PPIL4: variants seen among roughly 807,000 people sequenced by gnomAD.
PPIL4 encodes the protein peptidylprolyl isomerase like 4, also known as peptidyl-prolyl cis-trans isomerase-like 4.
PPIL4 carries 50 observed loss-of-function variants against 69.1 expected under a neutral mutation model. The ratio of observed to expected loss-of-function variants is 0.72; its 90% confidence interval spans 0.58 to 0.92. The LOEUF is 0.92. PPIL4 is among the 40% of genes least tolerant of loss of function. PPIL4 has a pLI of 0.00. For missense variants in PPIL4, 480 were observed against 587.9 expected (o/e 0.82, Z 1.90); for synonymous variants, 193 against 191.6 (o/e 1.01, Z -0.06).
intron 5 of PPIL4, among the ~76,000 whole-genome samples, chr6:149,535,043 A>C (rs1777253912): frequency 1.3e-5 from 2 of 152,192 alleles, no homozygotes; most frequent in South Asian, 4.1e-4. Flanking sequence ...TTCTCAATTA[A>C]AAAACTAAAT....
intron 4 of PPIL4, 118 bp downstream of exon 4, chr6:149,540,824 A>G (rs1777347875): frequency 1.9e-6 from 1 of 520,504 alleles, no homozygotes; most frequent in African/African-American, 1.9e-5. Flanking sequence ...TTTTCCCCTA[A>G]CACATATTTC....
intron 1 of PPIL4, among the ~76,000 whole-genome samples, chr6:149,542,999 TA>T (rs1004476408): frequency 3.9e-5 from 6 of 152,318 alleles, no homozygotes; most frequent in Admixed American, 2.0e-4. Flanking sequence ...GTTTAACAGA[TA>T]GGGGTGGTCC....
rs1776754288 is a variant in PPIL4, at chr6:149,505,437, T to C, written c.*16A>G. 6.2e-7 allele frequency: 1 copy of C among 1,604,920 alleles called. No individual in the cohort carries two copies. Among genetic ancestry groups the C allele is most frequent in the African/African-American group, 1.3e-5 (1 of 74,226 alleles). On this transcript the variant is annotated 3_prime_UTR_variant, in exon 13 of 13. Transcript: ENST00000253329. ...AGAGTAAATATGTTAGCCTCTCAAT[T>C]CTGCCTCTTCATCTTTCATCTATAC... is the stretch of plus-strand genomic sequence containing the variant.
intron 11 of PPIL4, among the ~76,000 whole-genome samples, chr6:149,513,417 A>G: frequency 2.3e-5 from 1 of 43,924 alleles, no homozygotes; most frequent in African/African-American, 6.0e-5. Context: ...AAAAAAATAT[A>G]TATATATATA....
chr6:149,535,290 A>G (rs1440214056), intron 5 of PPIL4, among the ~76,000 whole-genome samples: 1 of 152,232 alleles, frequency 6.6e-6, no homozygotes, highest in African/African-American at 2.4e-5. Flanking sequence ...CGGGAGACAG[A>G]GCTTGCAGTG....
At chr6:149,534,601 T>G in intron 6 of PPIL4, 77 bp downstream of exon 6, 1 of 780,558 alleles carries the variant, frequency 1.3e-6, no homozygotes, top group Non-Finnish European at 2.0e-6. Flanking sequence ...AAAAATTAAC[T>G]TTAACAGATG....
At chr6:149,518,605 G>A (rs1776981804) in intron 10 of PPIL4, among the ~76,000 whole-genome samples, 1 of 152,170 alleles carries the variant, frequency 6.6e-6, no homozygotes, top group Non-Finnish European at 1.5e-5. Context: ...AAACAAAAGT[G>A]GCCAGCAATG....
At chr6:149,531,108 A>T (rs1425285056) in intron 7 of PPIL4, among the ~76,000 whole-genome samples, 5 of 152,130 alleles carry the variant, frequency 3.3e-5, no homozygotes, top group Non-Finnish European at 5.9e-5. Context: ...TCATGCCTGT[A>T]ATCCCAGCAC....
intron 12 of PPIL4, among the ~76,000 whole-genome samples, chr6:149,506,511 A>G (rs917604379): frequency 6.6e-6 from 1 of 152,172 alleles, no homozygotes; most frequent in Admixed American, 6.5e-5. Flanking sequence ...GGGTCTGAGC[A>G]ATTAATTTTT....
intron 11 of PPIL4, 73 bp from the exon 12 acceptor site, chr6:149,512,375 A>G: frequency 8.4e-7 from 1 of 1,186,636 alleles, no homozygotes; most frequent in Non-Finnish European, 1.2e-6. Context: ...TCTGGTAAAC[A>G]AAGGAGGTCA....
intron 12 of PPIL4, 26 bp from the exon 13 acceptor site, chr6:149,505,730 G>A (rs774001346): frequency 3.8e-6 from 6 of 1,590,492 alleles, no homozygotes; most frequent in Admixed American, 3.6e-5. Context: ...GGAATTACAA[G>A]TGAATCAGTA....
intron 7 of PPIL4, among the ~76,000 whole-genome samples, chr6:149,531,760 G>T (rs887312148): frequency 2.1e-4 from 32 of 152,116 alleles, no homozygotes; most frequent in African/African-American, 7.5e-4. Context: ...ACTTTCGCCT[G>T]CTGGGTTCAA....
At position 149,511,397 on chromosome 6, in the gene PPIL4, TTG is replaced by T. The variant is rs375170478; in HGVS notation, c.1227+756_1227+757del. On this transcript the variant is annotated intron_variant, in intron 12 of 12. Coordinates refer to ENST00000253329, the MANE Select transcript of PPIL4 (RefSeq NM_139126.4). The stretch of plus-strand genomic sequence containing the variant: ...GGTGCACACCACCATGCCTGGCCAA[TTG>T]TGTGTGTGTGTGTGTGTGTGTACTT... 1.4e-3 allele frequency among the ~76,000 whole-genome samples: 205 copies of T among 146,936 alleles called. 1 individual carries two copies. The highest frequency in any genetic ancestry group is 2.1e-3 in the African/African-American group (83 of 40,242).
chr6:149,509,864 G>A (rs564451991), intron 12 of PPIL4, among the ~76,000 whole-genome samples: 1 of 151,890 alleles, frequency 6.6e-6, no homozygotes, highest in African/African-American at 2.4e-5. Context: ...TGTGAAAGGG[G>A]GATAAAAGAA....
intron 12 of PPIL4, among the ~76,000 whole-genome samples, chr6:149,508,886 C>CA (rs1211599609): frequency 6.6e-6 from 1 of 151,926 alleles, no homozygotes; most frequent in Non-Finnish European, 1.5e-5. Flanking sequence ...CTTGGGAAAC[C>CA]AGACTCACTA....
chr6:149,520,975 TGCACTCCA>T (rs1284628673), intron 10 of PPIL4, 77 bp downstream of exon 10: 1 of 723,778 alleles, frequency 1.4e-6, no homozygotes, highest in East Asian at 2.6e-5. Context: ...ATCGTGCCAC[TGCACTCCA>T]GCCTGGGCAA....
At chr6:149,525,360 T>A in intron 8 of PPIL4, 151 bp from the exon 9 acceptor site, 1 of 520,924 alleles carries the variant, frequency 1.9e-6, no homozygotes, top group Non-Finnish European at 3.4e-6. Flanking sequence ...TAATAACAAT[T>A]CTTTTTTAAA....
At chr6:149,514,861 A>C (rs902269235) in intron 11 of PPIL4, among the ~76,000 whole-genome samples, 3 of 149,624 alleles carry the variant, frequency 2.0e-5, no homozygotes, top group Non-Finnish European at 4.4e-5. Flanking sequence ...TTTGAGACGG[A>C]GTTTCACTCT....
Position 149,505,433 on chromosome 6 carries a change from C to T in PPIL4, c.*20G>A. The T allele has an allele frequency of 1.9e-6, 3 of 1,603,082 alleles. No individual in the cohort carries two copies. Among genetic ancestry groups the T allele is most frequent in the Non-Finnish European group, 2.6e-6 (3 of 1,176,276 alleles). ...GACAAGAGTAAATATGTTAGCCTCT[C>T]AATTCTGCCTCTTCATCTTTCATCT... On this transcript the variant is annotated 3_prime_UTR_variant, in exon 13 of 13. Transcript: ENST00000253329.
Sources: gnomAD v4.1 joint callset for allele counts (sites outside exome capture counted in the v4.1 genomes callset) on GRCh38, gnomAD v4.1.1 for gene constraint, MANE v1.5 for transcripts, NCBI Gene and HGNC (gene_info 2026-07-23, HGNC 2026-07-21) for gene names.